PSD: variants seen among roughly 807,000 people sequenced by gnomAD.
The protein encoded by PSD is pleckstrin and Sec7 domain containing, also known as PH and SEC7 domain-containing protein 1.
PSD carries 32 observed loss-of-function variants against 91.6 expected under a neutral mutation model. The observed-to-expected ratio is 0.35, with a 90% CI of 0.26 to 0.47. The LOEUF is 0.47. PSD is among the 20% of genes least tolerant of loss of function. PSD has a pLI of 1.00. For synonymous variants in PSD, 532 were observed against 569.3 expected, an observed-to-expected ratio of 0.93 and a Z score of 0.93; for missense variants, 1,099 against 1,373.9, an observed-to-expected ratio of 0.80 and a Z score of 3.16.
chr10:102,407,274 G>T lies in PSD; in HGVS notation c.2092-8C>A, dbSNP rs754254079. 1 of 1,577,212 alleles carries T rather than the reference G, an allele frequency of 6.3e-7. No homozygotes were observed. Among genetic ancestry groups the T allele is most frequent in the Admixed American group, 1.8e-5 (1 of 56,246 alleles). ...GATGGAGCTGTACAAGGCCTGGGGG[G>T]TGGGGGGAACAAATTAGGGGGTTGT... On this transcript the variant is annotated splice_region_variant and splice_polypyrimidine_tract_variant and intron_variant, in intron 10 of 16. Coordinates refer to ENST00000020673, the MANE Select transcript of PSD (RefSeq NM_002779.5).
At chr10:102,418,674 C>T (rs1422925124) in intron 1 of PSD, 27 bp downstream of exon 1, 1 of 455,366 alleles carries the variant, frequency 2.2e-6, no homozygotes, top group Admixed American at 2.4e-5. Context: ...CGGTGCAGCC[C>T]CAACTCAATG....
Position 102,404,137 on chromosome 10 carries a change from A to C in PSD, c.2701-152T>G. The C allele has an allele frequency of 1.1e-6, 1 of 908,124 alleles. No individual in the cohort carries two copies. The highest frequency in any genetic ancestry group is 1.6e-6 in the Non-Finnish European group (1 of 631,414). The allele number at this position is 908,124 out of a possible 1,614,324, so 56.3% of individuals were successfully genotyped here. ...GCCAAGGCGGGCGGATCACGAGGTC[A>C]GGAGATCGAGACCATCCTGGCTAAC... On this transcript the variant is annotated intron_variant, in intron 15 of 16. Transcript: ENST00000020673. This position sits in a 1 kb window ranked among gnomAD's most constrained non-coding sequence, Gnocchi z 5.7.
intron 1 of PSD, among the ~76,000 whole-genome samples, chr10:102,417,420 C>T (rs1212176409): frequency 6.6e-6 from 1 of 152,038 alleles, no homozygotes. Context: ...TCTTATGGCA[C>T]TTTGGAGCTA....
At chr10:102,408,006 T>G (rs970052742) in intron 10 of PSD, among the ~76,000 whole-genome samples, 1 of 152,130 alleles carries the variant, frequency 6.6e-6, no homozygotes, top group Admixed American at 6.5e-5. Context: ...GCAGTTGGCC[T>G]GGGGACATTT....
At chr10:102,412,347 G>A in intron 6 of PSD, 34 bp downstream of exon 6, 1 of 1,612,006 alleles carries the variant, frequency 6.2e-7, no homozygotes, top group Non-Finnish European at 8.5e-7. Context: ...CATTCCCTCT[G>A]CCCCCATCCT....
chr10:102,417,593 T>C (rs1307569498), intron 1 of PSD, among the ~76,000 whole-genome samples: 1 of 151,288 alleles, frequency 6.6e-6, no homozygotes, highest in Non-Finnish European at 1.5e-5. Flanking sequence ...GAGGAACAGG[T>C]GTTATATAGG....
Position 102,412,428 on chromosome 10 carries a change from T to C in PSD, c.1701A>G (p.Arg567=). The part of the protein sequence containing the change: ...AAQRLAKRLY[R]LDGFRKADVA... ...CATCGGCCTTCCTGAAGCCATCTAG[T>C]CGGTACAGCCTCTTGGCCAGGCGCT... The change falls in exon 6 of 17, where the codon CGA becomes CGG. Residue 567 remains arginine (R), a synonymous_variant. Transcript: ENST00000020673. The C allele has an allele frequency of 6.2e-7, 1 of 1,614,188 alleles. No homozygotes were observed. The highest frequency in any genetic ancestry group is 8.5e-7 in the Non-Finnish European group (1 of 1,180,028).
In PSD at chr10:102,405,434, G is replaced by T. The variant is rs1589881885; in HGVS notation, c.2238C>A (p.Phe746Leu). ...SGGSGSGSSP[F>L]LDLTPEPGAA... is the part of the protein sequence containing the mutation. ...CCCCAGGCTCGGGAGTCAGGTCCAG[G>T]AAAGGGCTGGAGCCACTGCCACTGC... Residue 746 changes from phenylalanine to leucine, a missense_variant, in exon 12 of 17, where the codon TTC becomes TTA. Phe to Leu is a conservative substitution (Grantham distance 22). Around this residue, in one of 3 missense-constraint regions of PSD, gnomAD observed 358 missense variants for 426.5 expected, o/e 0.84. Transcript: ENST00000020673. The surrounding 1 kb of genome is among the most constrained non-coding windows in gnomAD (Gnocchi z 5.4). The T allele has an allele frequency of 6.2e-7, 1 of 1,613,934 alleles. No individual in the cohort carries two copies.
rs2061403307 is a variant in PSD at position 102,409,476 on chromosome 10, G to A, written c.2091+1382C>T. ...CCGCTAGGCCTGGGGCTGTGACGCT[G>A]GGCGGACCCGGCAGGGTCTGGAACT... On this transcript the variant is annotated intron_variant, in intron 10 of 16. Coordinates refer to ENST00000020673, the MANE Select transcript of PSD (RefSeq NM_002779.5). The surrounding 1 kb of genome is among the most constrained non-coding windows in gnomAD (Gnocchi z 5.7). Among the ~76,000 whole-genome samples the A allele has an allele frequency of 6.6e-6, 1 of 152,150 alleles. No homozygotes were observed. Among genetic ancestry groups the A allele is most frequent in the South Asian group, 2.1e-4 (1 of 4,826 alleles).
chr10:102,410,817 T>A lies in PSD; in HGVS notation c.2091+41A>T, dbSNP rs1317299719. On this transcript the variant is annotated intron_variant, in intron 10 of 16. Transcript: ENST00000020673. This position sits in a 1 kb window ranked among gnomAD's most constrained non-coding sequence, Gnocchi z 6.0. ...ACTCCGTCGCCGACTGGGTCCTCCA[T>A]CCTTCCCCTCCAGCGACTTCTACCC... The A allele has an allele frequency of 3.0e-6, 4 of 1,320,842 alleles. No individual in the cohort carries two copies. Among genetic ancestry groups the A allele is most frequent in the South Asian group, 1.2e-5 (1 of 85,878 alleles). The allele number at this position is 1,320,842 out of a possible 1,614,324, so 81.8% of individuals were successfully genotyped here.
rs1307516010 is a variant in PSD, at chr10:102,404,504, C to T, written c.2700+79G>A. 15 of 1,507,644 alleles carry T rather than the reference C, an allele frequency of 9.9e-6. No individual in the cohort carries two copies. The highest frequency in any genetic ancestry group is 9.1e-5 in the East Asian group (4 of 43,732). The allele number at this position is 1,507,644 out of a possible 1,614,324, so 93.4% of individuals were successfully genotyped here. A position where few individuals can be genotyped will look rare whatever the true frequency, so the allele number is the denominator to read the frequency against. ...TGCAGGGGACATCTCCACGATCACA[C>T]GCAGCAGCCTTGAGTGCAGTGGGCC... On this transcript the variant is annotated intron_variant, in intron 15 of 16. Coordinates refer to ENST00000020673, the MANE Select transcript of PSD (RefSeq NM_002779.5). The surrounding 1 kb of genome is among the most constrained non-coding windows in gnomAD (Gnocchi z 5.7).
At position 102,416,710 on chromosome 10, in the gene PSD, C is replaced by G. The variant is rs201641202; in HGVS notation, c.329G>C (p.Ser110Thr). ...VVIFRFVEKA[S>T]VRPLNGLPAP... ...AGGTAGCCCATTCAGTGGCCTCACA[C>G]TGGCCTTCTCCACAAAGCGGAAGAT... The change falls in exon 2 of 17, where the codon AGT becomes ACT. Residue 110 changes from serine (S) to threonine (T), a missense_variant. Transcript: ENST00000020673. The surrounding 1 kb of genome is among the most constrained non-coding windows in gnomAD (Gnocchi z 6.0). 87 of 1,601,376 alleles carry G rather than the reference C, an allele frequency of 5.4e-5. No homozygotes were observed. The highest frequency in any genetic ancestry group is 3.0e-5 in the Non-Finnish European group (35 of 1,174,330).
chr10:102,403,339 T>C lies in PSD; in HGVS notation c.2936A>G (p.Gln979Arg). ...ELDAVEAALA[Q>R]AGSTEDGLPP... ...GAGTCCATCCTCTGTGCTCCCGGCCTGGGCCAGTGCTGCCTCCACTGCATC... is the reference window on the plus strand; with the variant it reads ...GAGTCCATCCTCTGTGCTCCCGGCCCGGGCCAGTGCTGCCTCCACTGCATC... Residue 979 changes from glutamine (Q) to arginine (R), a missense_variant, in exon 17 of 17, where the codon CAG becomes CGG. Gln to Arg is a conservative substitution (Grantham distance 43). Around this residue, in one of 3 missense-constraint regions of PSD, gnomAD observed 358 missense variants for 426.5 expected, o/e 0.84. Transcript: ENST00000020673. This position sits in a 1 kb window ranked among gnomAD's most constrained non-coding sequence, Gnocchi z 6.7. 1.9e-6 allele frequency: 3 copies of C among 1,614,074 alleles called. No individual in the cohort carries two copies. The highest frequency in any genetic ancestry group is 2.5e-6 in the Non-Finnish European group (3 of 1,180,012).
rs553049174 is a variant in PSD, at chr10:102,416,214, C to G, written c.655-95G>C. ...CAGAAACAGAAATTAAAACATGCAT[C>G]GACAGAGATGGAGGTTCAGAGACAC... is the stretch of plus-strand genomic sequence containing the variant. On this transcript the variant is annotated intron_variant, in intron 2 of 16. Coordinates refer to ENST00000020673, the MANE Select transcript of PSD (RefSeq NM_002779.5). This position sits in a 1 kb window ranked among gnomAD's most constrained non-coding sequence, Gnocchi z 6.0. 3 of 1,208,420 alleles carry G rather than the reference C, an allele frequency of 2.5e-6. No homozygotes were observed. The highest frequency in any genetic ancestry group is 2.8e-5 in the South Asian group (2 of 70,484). The allele number at this position is 1,208,420 out of a possible 1,614,324, so 74.9% of individuals were successfully genotyped here. A position where few individuals can be genotyped will look rare whatever the true frequency, so the allele number is the denominator to read the frequency against.
In PSD at chr10:102,416,648, C is replaced by T. The variant is rs781541609; in HGVS notation, c.391G>A (p.Gly131Arg). The change falls in exon 2 of 17, where the codon GGG becomes AGG. Residue 131 changes from glycine to arginine, a missense_variant. Physicochemically the swap from Gly to Arg is moderately radical, Grantham distance 125. Around this residue, in one of 3 missense-constraint regions of PSD, gnomAD observed 631 missense variants for 728.8 expected, o/e 0.87. Transcript: ENST00000020673. The surrounding 1 kb of genome is among the most constrained non-coding windows in gnomAD (Gnocchi z 6.0). ...GGGGTGGGCCTGGGAGGAGAAACCC[C>T]ACCCAGATCCCAGCTCCGACTCAAG... ...GGLSRSWDLG[G>R]VSPPRPTPAL... 3.1e-6 allele frequency: 5 copies of T among 1,608,848 alleles called. No homozygotes were observed. Among genetic ancestry groups the T allele is most frequent in the Non-Finnish European group, 4.2e-6 (5 of 1,177,976 alleles).
At chr10:102,406,741 G>A (rs764808449) in intron 11 of PSD, among the ~76,000 whole-genome samples, 6 of 152,210 alleles carry the variant, frequency 3.9e-5, no homozygotes, top group Admixed American at 2.0e-4. Flanking sequence ...TCCTGACCTC[G>A]TGATCTGCCC....
At chr10:102,411,332 C>T (rs2061422956) in intron 8 of PSD, among the ~76,000 whole-genome samples, 1 of 143,860 alleles carries the variant, frequency 7.0e-6, no homozygotes, top group Non-Finnish European at 1.5e-5. Flanking sequence ...GGCTAGTTGC[C>T]CCAACGTACT....
chr10:102,409,584 G>A lies in PSD; in HGVS notation c.2091+1274C>T, dbSNP rs77332559. Among the ~76,000 whole-genome samples the A allele has an allele frequency of 0.01, 1,568 of 152,210 alleles. 24 individuals carry two copies. Among genetic ancestry groups the A allele is most frequent in the African/African-American group, 0.036 (1,497 of 41,526 alleles). ...GCAGCCCTTTTCCACTGAGCCAAGAGGGGCCTCGAGGGAGGACGGAGGCAG... is the reference window on the plus strand; with the variant it reads ...GCAGCCCTTTTCCACTGAGCCAAGAAGGGCCTCGAGGGAGGACGGAGGCAG... On this transcript the variant is annotated intron_variant, in intron 10 of 16. Transcript: ENST00000020673. This position sits in a 1 kb window ranked among gnomAD's most constrained non-coding sequence, Gnocchi z 5.7.
Position 102,416,528 on chromosome 10 carries a change from G to T in PSD, c.511C>A (p.Arg171=). The change falls in exon 2 of 17, where the codon CGG becomes AGG. Residue 171 remains arginine, a synonymous_variant. Coordinates refer to ENST00000020673, the MANE Select transcript of PSD (RefSeq NM_002779.5). This position sits in a 1 kb window ranked among gnomAD's most constrained non-coding sequence, Gnocchi z 6.0. ...ARGGSALPGS[R]NLVHGPPAPP... Reference sequence around the variant, plus strand: ...GCTGGCGGCCCATGTACAAGGTTCCGGCTGCCAGGTAGGGCCGAGCCTCCT... The same window carrying T: ...GCTGGCGGCCCATGTACAAGGTTCCTGCTGCCAGGTAGGGCCGAGCCTCCT... 1 of 1,611,212 alleles carries T rather than the reference G, an allele frequency of 6.2e-7. No individual in the cohort carries two copies. The highest frequency in any genetic ancestry group is 8.5e-7 in the Non-Finnish European group (1 of 1,178,786).
Sources: allele counts gnomAD v4.1 joint callset (sites outside exome capture counted in the v4.1 genomes callset), GRCh38; gene constraint gnomAD v4.1.1; regional missense constraint gnomAD v4.1.1; non-coding constraint Gnocchi (gnomAD v3.1); transcripts MANE v1.5; gene names NCBI Gene and HGNC (gene_info 2026-07-23, HGNC 2026-07-21).